PCCA: variants seen among roughly 807,000 people sequenced by gnomAD.
PCCA encodes the protein propionyl-CoA carboxylase subunit alpha.
In PCCA, 74 loss-of-function variants were observed where a neutral mutation model predicts 101.3. The observed-to-expected ratio is 0.73, with a 90% CI of 0.61 to 0.89. PCCA has a LOEUF of 0.89. Among genes scored for constraint, PCCA ranks in the 40% least tolerant of loss-of-function variants. The pLI, the probability that PCCA is intolerant of heterozygous loss-of-function variation, is 0.00. For missense variants in PCCA, 891 were observed against 907.0 expected, an observed-to-expected ratio of 0.98 and a Z score of 0.23; for synonymous variants, 294 against 313.6, an observed-to-expected ratio of 0.94 and a Z score of 0.66.
At chr13:100,354,288 G>GGAGA (rs1201237921) in intron 18 of PCCA, among the ~76,000 whole-genome samples, 1 of 128,880 alleles carries the variant, frequency 7.8e-6, no homozygotes, top group South Asian at 2.8e-4. Context: ...AAAGAAAGAA[G>GGAGA]GAGAGAGAGA....
intron 12 of PCCA, 93 bp downstream of exon 12, chr13:100,273,439 C>A: frequency 1.0e-6 from 1 of 988,976 alleles, no homozygotes; most frequent in Non-Finnish European, 1.6e-6. Flanking sequence ...AAAAAATTAA[C>A]TCCATAAAGT....
chr13:100,407,923 G>T (rs886626153), intron 19 of PCCA, among the ~76,000 whole-genome samples: 2 of 152,158 alleles, frequency 1.3e-5, no homozygotes, highest in Non-Finnish European at 2.9e-5. Flanking sequence ...GGCTGAGGTG[G>T]GTGGATTACC....
intron 10 of PCCA, 79 bp downstream of exon 10, chr13:100,262,910 A>G (rs964059653): frequency 3.5e-5 from 25 of 721,702 alleles, no homozygotes; most frequent in South Asian, 4.7e-5. Flanking sequence ...CTTTTCTTCC[A>G]TTTAGAATGA....
intron 21 of PCCA, among the ~76,000 whole-genome samples, chr13:100,474,670 G>A (rs914718187): frequency 3.9e-5 from 6 of 152,050 alleles, no homozygotes; most frequent in African/African-American, 1.4e-4. Context: ...GGTATTTTTT[G>A]TAGAGAAGGG....
chr13:100,220,244 T>C (rs974371422), intron 7 of PCCA, among the ~76,000 whole-genome samples: 1 of 151,982 alleles, frequency 6.6e-6, no homozygotes, highest in East Asian at 1.9e-4. Context: ...TGTCCAATAT[T>C]TACAGTTTCT....
chr13:100,337,364 C>A (rs1433385893), intron 17 of PCCA, among the ~76,000 whole-genome samples: 2 of 152,170 alleles, frequency 1.3e-5, no homozygotes, highest in East Asian at 3.9e-4. Context: ...TCTACCACCC[C>A]CAGAGGGCAA....
At chr13:100,457,098 C>T (rs1266210881) in intron 21 of PCCA, among the ~76,000 whole-genome samples, 3 of 152,110 alleles carry the variant, frequency 2.0e-5, no homozygotes, top group Non-Finnish European at 4.4e-5. Context: ...GACCCTATGC[C>T]CGCCGGTTAT....
chr13:100,318,146 T>G lies in PCCA; in HGVS notation c.1429+8238T>G, dbSNP rs374679442. On this transcript the variant is annotated intron_variant, in intron 16 of 23. Transcript: ENST00000376285. Reference sequence around the variant, plus strand: ...TACCTGCCCTGCTTCCCATTCTAGTTGCTCTCATGGGAATGTGGAATCTGT... The same window carrying G: ...TACCTGCCCTGCTTCCCATTCTAGTGGCTCTCATGGGAATGTGGAATCTGT... 2.2e-4 allele frequency among the ~76,000 whole-genome samples: 34 copies of G among 152,294 alleles called. No individual in the cohort carries two copies. In the South Asian group the frequency reaches 7.1e-3, roughly 32 times the overall value.
rs9554666 is a variant in PCCA, at chr13:100,097,499, C to T, written c.106-5384C>T. On this transcript the variant is annotated intron_variant, in intron 1 of 23. Transcript: ENST00000376285. ...CTTTGGGAGGCCGAGGCAGGTGGAT[C>T]ACCTGAGGTCGGGAGTTCGAGACCA... Among the ~76,000 whole-genome samples the T allele has an allele frequency of 4.6e-3, 707 of 152,258 alleles. 9 individuals carry two copies. Among genetic ancestry groups the T allele is most frequent in the East Asian group, 0.017 (90 of 5,182 alleles).
chr13:100,456,831 C>T, intron 21 of PCCA, among the ~76,000 whole-genome samples: 1 of 152,186 alleles, frequency 6.6e-6, no homozygotes, highest in Non-Finnish European at 1.5e-5. Context: ...TGAAGCACAG[C>T]ATCACAGGGA....
At chr13:100,339,163 A>G (rs900684180) in intron 17 of PCCA, among the ~76,000 whole-genome samples, 1 of 152,128 alleles carries the variant, frequency 6.6e-6, no homozygotes, top group African/African-American at 2.4e-5. Flanking sequence ...GCGTAGTACA[A>G]TGTAAATGCT....
At chr13:100,517,848 C>T (rs1399429906) in intron 22 of PCCA, among the ~76,000 whole-genome samples, 2 of 152,178 alleles carry the variant, frequency 1.3e-5, no homozygotes, top group African/African-American at 4.8e-5. Context: ...GTTTCATCGT[C>T]GGCTCTTAGC....
At chr13:100,276,032 A>G (rs1401876821) in intron 12 of PCCA, among the ~76,000 whole-genome samples, 3 of 151,722 alleles carry the variant, frequency 2.0e-5, no homozygotes, top group African/African-American at 7.3e-5. Context: ...CTTTTTGTTG[A>G]CAGCCAATGA....
At chr13:100,232,052 A>C (rs1294291083) in intron 7 of PCCA, among the ~76,000 whole-genome samples, 1 of 152,032 alleles carries the variant, frequency 6.6e-6, no homozygotes, top group African/African-American at 2.4e-5. Flanking sequence ...TGTAAGAGTT[A>C]CTCTCTTAAA....
At chr13:100,301,205 A>G (rs900510178) in intron 12 of PCCA, among the ~76,000 whole-genome samples, 2 of 152,248 alleles carry the variant, frequency 1.3e-5, no homozygotes, top group African/African-American at 4.8e-5. Flanking sequence ...TTGTTGGACC[A>G]CAGATAAATC....
chr13:100,169,366 A>C (rs1469944330), intron 6 of PCCA, among the ~76,000 whole-genome samples: 2 of 150,694 alleles, frequency 1.3e-5, no homozygotes, highest in African/African-American at 4.9e-5. Flanking sequence ...GCTGGAACCC[A>C]GGAGGCAGAG....
At chr13:100,524,374 CGT>C (rs1210676697) in intron 22 of PCCA, among the ~76,000 whole-genome samples, 1,697 of 139,150 alleles carry the variant, frequency 0.012, 17 homozygotes, top group African/African-American at 0.033. Flanking sequence ...CAATTAAGCT[CGT>C]GTGTGTGTGT....
At chr13:100,522,968 C>T (rs140776485) in intron 22 of PCCA, among the ~76,000 whole-genome samples, 7 of 152,338 alleles carry the variant, frequency 4.6e-5, no homozygotes, top group South Asian at 4.1e-4. Flanking sequence ...TCTTGAGCAC[C>T]GCTTTCAAGC....
At chr13:100,115,981 G>A (rs1368777043) in intron 4 of PCCA, among the ~76,000 whole-genome samples, 1 of 152,124 alleles carries the variant, frequency 6.6e-6, no homozygotes, top group Non-Finnish European at 1.5e-5. Context: ...GATAATGATG[G>A]TGGGAATGTC....
Sources: gnomAD v4.1 joint callset for allele counts (sites outside exome capture counted in the v4.1 genomes callset) on GRCh38, gnomAD v4.1.1 for gene constraint, MANE v1.5 for transcripts, NCBI Gene and HGNC (gene_info 2026-07-23, HGNC 2026-07-21) for gene names.